Variants in PFKFB4 observed in about 807,000 individuals in gnomAD.
PFKFB4 encodes 6-phosphofructo-2-kinase/fructose-2,6-bisphosphatase 4.
Under a neutral mutation model 62.8 loss-of-function variants are expected in PFKFB4, and 42 were observed. That is an observed-to-expected ratio of 0.67 (90% confidence interval 0.52 to 0.86). PFKFB4 has a LOEUF of 0.86. Ranked by LOEUF, PFKFB4 falls within the 40% of genes least tolerant of loss-of-function variation. The pLI, the probability that PFKFB4 is intolerant of heterozygous loss-of-function variation, is 0.00. For missense variants in PFKFB4, 475 were observed against 627.2 expected (o/e 0.76, Z 2.59); for synonymous variants, 204 against 240.7 (o/e 0.85, Z 1.41).
At chr3:48,551,279 G>A (rs1230958810) in intron 1 of PFKFB4, among the ~76,000 whole-genome samples, 7 of 149,232 alleles carry the variant, frequency 4.7e-5, no homozygotes, top group African/African-American at 1.2e-4. Context: ...GCAGTGGTGC[G>A]ATCTTGGCTC....
chr3:48,519,927 G>C, intron 13 of PFKFB4, 121 bp from the exon 14 acceptor site: 1 of 748,364 alleles, frequency 1.3e-6, no homozygotes, highest in Non-Finnish European at 2.3e-6. Context: ...AGCCACAGCC[G>C]CAAGACTCTA....
At position 48,544,046 on chromosome 3, in the gene PFKFB4, G is replaced by A. The variant is rs563646301; in HGVS notation, c.312-400C>T. On this transcript the variant is annotated intron_variant, in intron 3 of 13. Coordinates refer to ENST00000232375, the MANE Select transcript of PFKFB4 (RefSeq NM_004567.4). ...TTTATTTTTTTTGAGACTGAGTCTC[G>A]CTCTGTCACCCAGGCTGGAGTGCAG... Among the ~76,000 whole-genome samples the A allele has an allele frequency of 6.8e-4, 93 of 136,898 alleles. 3 individuals are homozygous for A. Among genetic ancestry groups the A allele is most frequent in the South Asian group, 4.4e-4 (2 of 4,504 alleles). 89.8% of individuals were successfully genotyped at this position (136,898 alleles called of 152,430 possible). A position where few individuals can be genotyped will look rare whatever the true frequency, so the allele number is the denominator to read the frequency against.
chr3:48,560,811 G>A (rs925753091), upstream of PFKFB4, among the ~76,000 whole-genome samples: 2 of 152,058 alleles, frequency 1.3e-5, no homozygotes, highest in African/African-American at 4.8e-5. Flanking sequence ...AGCGCCAGCT[G>A]GCGGTCCCTC....
At chr3:48,535,386 A>T in intron 9 of PFKFB4, 126 bp downstream of exon 9, 2 of 827,906 alleles carry the variant, frequency 2.4e-6, no homozygotes, top group Non-Finnish European at 1.9e-6. Flanking sequence ...CCCAGCCCCT[A>T]GGTTCCTGTA....
Position 48,556,345 on chromosome 3 carries a change from C to A in PFKFB4, c.97+336G>T. 1 of 530,144 alleles carries A rather than the reference C, an allele frequency of 1.9e-6. No individual in the cohort carries two copies. Among genetic ancestry groups the A allele is most frequent in the Non-Finnish European group, 3.6e-6 (1 of 280,722 alleles). The allele number at this position is 530,144 out of a possible 1,614,324, so 32.8% of individuals were successfully genotyped here. Reference sequence around the variant, plus strand: ...GAGAGGGAAGGGCCTGGGGTGCCCACAGGGTCCTCCCCAGACTGGGGGCGA... The same window carrying A: ...GAGAGGGAAGGGCCTGGGGTGCCCAAAGGGTCCTCCCCAGACTGGGGGCGA... On this transcript the variant is annotated intron_variant, in intron 1 of 13. Transcript: ENST00000232375. This position sits in a 1 kb window ranked among gnomAD's most constrained non-coding sequence, Gnocchi z 5.7.
At chr3:48,520,438 T>C (rs1020035717) in intron 13 of PFKFB4, among the ~76,000 whole-genome samples, 2 of 152,162 alleles carry the variant, frequency 1.3e-5, no homozygotes, top group African/African-American at 4.8e-5. Flanking sequence ...GGCTGTCTTA[T>C]GTGCCCCAGA....
At chr3:48,536,567 A>G (rs949685575) in intron 7 of PFKFB4, 104 bp from the exon 8 acceptor site, 6 of 836,248 alleles carry the variant, frequency 7.2e-6, no homozygotes, top group East Asian at 2.5e-5. Flanking sequence ...TGCACTTCCA[A>G]CCACCAGAGA....
chr3:48,522,710 A>G (rs1028534445), intron 12 of PFKFB4, among the ~76,000 whole-genome samples: 3 of 152,084 alleles, frequency 2.0e-5, no homozygotes, highest in African/African-American at 7.2e-5. Context: ...GCAATGGTTA[A>G]GCAAAGTCAC....
At chr3:48,539,452 G>A in intron 5 of PFKFB4, 142 bp from the exon 6 acceptor site, 1 of 789,468 alleles carries the variant, frequency 1.3e-6, no homozygotes, top group African/African-American at 1.7e-5. Context: ...TGCTTCAGAG[G>A]GCTGGAGGCG....
intron 4 of PFKFB4, among the ~76,000 whole-genome samples, chr3:48,542,050 GAA>G (rs1168212157): frequency 6.6e-6 from 1 of 152,096 alleles, no homozygotes; most frequent in Non-Finnish European, 1.5e-5. Context: ...AAAAAACAGA[GAA>G]AATAAAGAGA....
At chr3:48,561,223 C>A, upstream of PFKFB4, 1 of 518,012 alleles carries the variant, frequency 1.9e-6, no homozygotes, top group Non-Finnish European at 3.0e-6. This position sits in a 1 kb window ranked among gnomAD's most constrained non-coding sequence, Gnocchi z 5.2. Flanking sequence ...CCTGCAGCCC[C>A]GCCTCCCCAG....
chr3:48,538,797 C>T (rs1020793941), intron 6 of PFKFB4, among the ~76,000 whole-genome samples, 178 bp from the exon 7 acceptor site: 1 of 152,172 alleles, frequency 6.6e-6, no homozygotes, highest in Non-Finnish European at 1.5e-5. Context: ...TGAGTTCTCA[C>T]ACCAGTGCCA....
intron 4 of PFKFB4, among the ~76,000 whole-genome samples, chr3:48,542,845 G>A (rs1430229585): frequency 6.6e-6 from 1 of 152,186 alleles, no homozygotes; most frequent in East Asian, 1.9e-4. Flanking sequence ...AGACATTTCA[G>A]ATGTGCAAGG....
chr3:48,556,578 C>A lies in PFKFB4; in HGVS notation c.97+103G>T, dbSNP rs1412207707. Reference sequence around the variant, plus strand: ...GGCAACCTCACCTGTCCCCGGTTCCCCATCTGTCTCCCGCCCCTTCTCCAT... The same window carrying A: ...GGCAACCTCACCTGTCCCCGGTTCCACATCTGTCTCCCGCCCCTTCTCCAT... On this transcript the variant is annotated intron_variant, in intron 1 of 13. Coordinates refer to ENST00000232375, the MANE Select transcript of PFKFB4 (RefSeq NM_004567.4). The surrounding 1 kb of genome is among the most constrained non-coding windows in gnomAD (Gnocchi z 5.7). The A allele has an allele frequency of 2.2e-6, 3 of 1,340,892 alleles. No individual in the cohort carries two copies. In the East Asian group the frequency reaches 7.6e-5, roughly 34 times the overall value. 83.1% of individuals were successfully genotyped at this position (1,340,892 alleles called of 1,614,324 possible). A position where few individuals can be genotyped will look rare whatever the true frequency, so the allele number is the denominator to read the frequency against.
chr3:48,559,620 CA>C (rs1457479335), upstream of PFKFB4: 3 of 456,726 alleles, frequency 6.6e-6, no homozygotes, highest in East Asian at 2.1e-4. Flanking sequence ...TTTTCCTCCT[CA>C]GTATATCCGA....
rs747033027 is a variant in PFKFB4 at position 48,536,366 on chromosome 3, T to G, written c.730A>C (p.Asn244His). Residue 244 changes from asparagine (N) to histidine (H), a missense_variant, in exon 8 of 14, where the codon AAC (asparagine) becomes CAC (histidine). Coordinates refer to ENST00000232375, the MANE Select transcript of PFKFB4 (RefSeq NM_004567.4). ...IQSRIVYYLM[N>H]IHVTPRSIYL... is the part of the protein sequence containing the mutation. ...ATGGAGCGGGGGGTCACGTGGATGT[T>G]CATGAGGTAATATACGATGCGGCTC... The G allele has an allele frequency of 1.1e-5, 18 of 1,613,948 alleles. No homozygotes were observed. Among genetic ancestry groups the G allele is most frequent in the Non-Finnish European group, 1.7e-6 (2 of 1,179,996 alleles).
chr3:48,550,800 AC>A (rs1040502115), intron 1 of PFKFB4, among the ~76,000 whole-genome samples: 2 of 152,134 alleles, frequency 1.3e-5, no homozygotes, highest in Admixed American at 6.5e-5. Flanking sequence ...CACCGGGAAC[AC>A]CCCTCACCCT....
At chr3:48,558,039 A>G (rs3755818), upstream of PFKFB4, among the ~76,000 whole-genome samples, 21 of 152,268 alleles carry the variant, frequency 1.4e-4, no homozygotes, top group East Asian at 3.5e-3. Flanking sequence ...CACATTGTCT[A>G]TCTTACAGTA....
chr3:48,561,165 G>T, upstream of PFKFB4: 8 of 1,084,786 alleles, frequency 7.4e-6, no homozygotes, highest in Non-Finnish European at 9.7e-6. The surrounding 1 kb of genome is among the most constrained non-coding windows in gnomAD (Gnocchi z 5.2). Context: ...TCCAGAGTGG[G>T]GTAACCCCGC....
Sources: gnomAD v4.1 joint callset for allele counts (sites outside exome capture counted in the v4.1 genomes callset) on GRCh38, gnomAD v4.1.1 for gene constraint, Gnocchi (gnomAD v3.1) non-coding constraint, MANE v1.5 for transcripts, NCBI Gene and HGNC (gene_info 2026-07-23, HGNC 2026-07-21) for gene names.